The following LNX1 variants were observed in gnomAD, a reference collection of about 807,000 sequenced individuals.
The protein encoded by LNX1 is ligand of numb-protein X 1, also known as E3 ubiquitin-protein ligase LNX.
A neutral mutation model predicts 68.4 loss-of-function variants in LNX1; 54 were observed. The observed-to-expected ratio is 0.79, with a 90% confidence interval of 0.63 to 0.99. The LOEUF (loss-of-function observed/expected upper bound fraction) is 0.99, where lower values mean the gene tolerates loss of function less well. Among genes scored for constraint, LNX1 ranks in the 50% least tolerant of loss-of-function variants. The pLI, the probability that LNX1 is intolerant of heterozygous loss-of-function variation, is 0.00. For missense variants in LNX1, 906 were observed against 926.4 expected, an observed-to-expected ratio of 0.98 and a Z score of 0.29; for synonymous variants, 336 against 350.0, an observed-to-expected ratio of 0.96 and a Z score of 0.45.
chr4:53,628,203 C>G (rs1480771333), intron 1 of LNX1, among the ~76,000 whole-genome samples: 1 of 152,062 alleles, frequency 6.6e-6, no homozygotes, highest in Non-Finnish European at 1.5e-5. Context: ...TCAGGAGAAA[C>G]AGACAACCCA....
chr4:53,484,457 G>T (rs1308895652), intron 6 of LNX1, among the ~76,000 whole-genome samples: 1 of 151,976 alleles, frequency 6.6e-6, no homozygotes, highest in Non-Finnish European at 1.5e-5. Flanking sequence ...CAGCTACTCG[G>T]GAGGCTGCAG....
chr4:53,630,107 G>A (rs1370444968), intron 1 of LNX1, among the ~76,000 whole-genome samples: 2 of 151,912 alleles, frequency 1.3e-5, no homozygotes, highest in African/African-American at 2.4e-5. Flanking sequence ...GGGGGCATGC[G>A]GGTGGGAATA....
chr4:53,565,873 T>C (rs1460977672), intron 2 of LNX1, among the ~76,000 whole-genome samples: 1 of 151,962 alleles, frequency 6.6e-6, no homozygotes, highest in Non-Finnish European at 1.5e-5. Context: ...GGAGCCGACG[T>C]GATCAACTGG....
intron 9 of LNX1, among the ~76,000 whole-genome samples, chr4:53,472,191 C>G (rs1035682383): frequency 1.3e-5 from 2 of 152,058 alleles, no homozygotes; most frequent in African/African-American, 2.4e-5. Context: ...TTTGTAGGGA[C>G]ATGGATGAAG....
At chr4:53,640,086 G>T (rs78152271) in intron 1 of LNX1, among the ~76,000 whole-genome samples, 17,424 of 152,184 alleles carry the variant, frequency 0.11, 1,164 homozygotes, top group Non-Finnish European at 0.16. Context: ...ATACCAAGTA[G>T]ACAAAAGTAT....
At chr4:53,462,522 G>A (rs976718830) in intron 9 of LNX1, among the ~76,000 whole-genome samples, 4 of 151,996 alleles carry the variant, frequency 2.6e-5, no homozygotes, top group African/African-American at 4.8e-5. Context: ...TTTATATACC[G>A]TACCTTAAAA....
chr4:53,558,494 A>G (rs1730079850), intron 2 of LNX1, among the ~76,000 whole-genome samples: 2 of 152,234 alleles, frequency 1.3e-5, no homozygotes, highest in African/African-American at 2.4e-5. Flanking sequence ...AAGCATTCAC[A>G]TATTCAGTGG....
chr4:53,626,601 C>T (rs1473885434), intron 1 of LNX1, among the ~76,000 whole-genome samples: 1 of 152,102 alleles, frequency 6.6e-6, no homozygotes, highest in Non-Finnish European at 1.5e-5. Context: ...CATCAGAAGC[C>T]TTATGAATGC....
At chr4:53,548,382 T>C (rs755288124) in intron 2 of LNX1, among the ~76,000 whole-genome samples, 11 of 152,320 alleles carry the variant, frequency 7.2e-5, no homozygotes, top group Non-Finnish European at 1.3e-4. Context: ...TTTGTGCCTG[T>C]TTTATCATGG....
At chr4:53,521,653 C>G (rs1477982873) in intron 2 of LNX1, among the ~76,000 whole-genome samples, 1 of 152,128 alleles carries the variant, frequency 6.6e-6, no homozygotes, top group Non-Finnish European at 1.5e-5. Context: ...CAACCTTACT[C>G]CTTCTATAAA....
intron 1 of LNX1, among the ~76,000 whole-genome samples, chr4:53,625,140 G>A (rs1734026424): frequency 6.6e-6 from 1 of 152,138 alleles, no homozygotes; most frequent in Admixed American, 6.5e-5. Flanking sequence ...AAAAACATAA[G>A]AGTAAATCTT....
chr4:53,614,090 C>T (rs1299887322), intron 2 of LNX1, among the ~76,000 whole-genome samples: 5 of 152,078 alleles, frequency 3.3e-5, no homozygotes, highest in Non-Finnish European at 5.9e-5. Flanking sequence ...TCTTTTCATA[C>T]GATTGTTGGC....
upstream of LNX1, among the ~76,000 whole-genome samples, chr4:53,592,788 G>C (rs548011279): frequency 6.6e-6 from 1 of 152,160 alleles, no homozygotes; most frequent in Non-Finnish European, 1.5e-5. Flanking sequence ...GGAAGAAAAG[G>C]AAGTCCGGAT....
At chr4:53,489,673 C>T (rs1023879655) in intron 6 of LNX1, among the ~76,000 whole-genome samples, 2 of 152,054 alleles carry the variant, frequency 1.3e-5, no homozygotes, top group Admixed American at 6.5e-5. Context: ...TCATGAAATT[C>T]TAAGTTGAAA....
intron 2 of LNX1, among the ~76,000 whole-genome samples, chr4:53,552,566 C>T (rs1177729062): frequency 3.3e-5 from 5 of 152,218 alleles, no homozygotes; most frequent in East Asian, 3.9e-4. Flanking sequence ...CAGTGGCTCA[C>T]GCCTGTAATT....
chr4:53,467,093 C>A (rs569911649), intron 9 of LNX1, among the ~76,000 whole-genome samples: 1 of 152,202 alleles, frequency 6.6e-6, no homozygotes, highest in Admixed American at 6.5e-5. Context: ...AGGCACCCCC[C>A]AGTAGGGGCG....
At chr4:53,480,861 T>G (rs1723864891) in intron 7 of LNX1, among the ~76,000 whole-genome samples, 2 of 152,240 alleles carry the variant, frequency 1.3e-5, no homozygotes, top group South Asian at 4.1e-4. Flanking sequence ...CTACTTTCTG[T>G]TGCAAGAAGA....
chr4:53,600,386 G>A (rs1298049072), intron 2 of LNX1, among the ~76,000 whole-genome samples: 1 of 152,196 alleles, frequency 6.6e-6, no homozygotes, highest in Non-Finnish European at 1.5e-5. Flanking sequence ...ACTCAGGTAC[G>A]AGAAGCACAG....
At chr4:53,481,666 C>T in intron 7 of LNX1, 54 bp downstream of exon 7, 1 of 1,572,490 alleles carries the variant, frequency 6.4e-7, no homozygotes, top group South Asian at 1.2e-5. Flanking sequence ...AACAAGCAGC[C>T]TTCCCAAGAA....
Sources: gnomAD v4.1 joint callset for allele counts (sites outside exome capture counted in the v4.1 genomes callset) on GRCh38, gnomAD v4.1.1 for gene constraint, MANE v1.5 for transcripts, NCBI Gene and HGNC (gene_info 2026-07-23, HGNC 2026-07-21) for gene names.